RUFY2: variants seen among roughly 807,000 people sequenced by gnomAD.
RUFY2 encodes the protein RUN and FYVE domain containing 2, also known as RUN and FYVE domain-containing protein 2.
A neutral mutation model predicts 94.4 loss-of-function variants in RUFY2; 49 were observed. That is an observed-to-expected ratio of 0.52 (90% confidence interval 0.41 to 0.66). The LOEUF is 0.66. RUFY2 is among the 30% of genes least tolerant of loss of function. The pLI is 0.00. For synonymous variants in RUFY2, 255 were observed against 235.7 expected (o/e 1.08, Z -0.75); for missense variants, 541 against 692.8 (o/e 0.78, Z 2.46).
intron 13 of RUFY2, among the ~76,000 whole-genome samples, chr10:68,368,661 AAAC>A (rs1183873191): frequency 3.3e-5 from 5 of 152,202 alleles, no homozygotes; most frequent in East Asian, 1.9e-4. Context: ...CTCCATCTCA[AAAC>A]AACAACAACA....
chr10:68,386,355 ATTT>A (rs1281473439), intron 7 of RUFY2, among the ~76,000 whole-genome samples: 3 of 150,462 alleles, frequency 2.0e-5, no homozygotes, highest in African/African-American at 7.3e-5. Flanking sequence ...GGTGCTACTG[ATTT>A]TTTTTTTCTG....
rs1031099437 is a variant in RUFY2, at chr10:68,376,220, G to A, written c.1325+633C>T. 8.2e-4 allele frequency among the ~76,000 whole-genome samples: 124 copies of A among 150,742 alleles called. 1 individual carries two copies. The highest frequency in any genetic ancestry group is 2.8e-3 in the African/African-American group (116 of 41,158). The stretch of plus-strand genomic sequence containing the variant: ...ACGGGTGGATCACCTGAGGTCAGTA[G>A]TTCAAGACCAGCCTGGTCAACATGG... On this transcript the variant is annotated intron_variant, in intron 13 of 17. Transcript: ENST00000602465.
intron 3 of RUFY2, among the ~76,000 whole-genome samples, chr10:68,399,813 C>T (rs2050676723): frequency 6.6e-6 from 1 of 152,058 alleles, no homozygotes; most frequent in African/African-American, 2.4e-5. Context: ...CAGAGTTTCT[C>T]TCTTATTGCC....
At chr10:68,348,993 A>AGT (rs762043033) in intron 16 of RUFY2, among the ~76,000 whole-genome samples, 39,765 of 151,838 alleles carry the variant, frequency 0.26, 5,354 homozygotes, top group Non-Finnish European at 0.28. Context: ...AGGATACTAC[A>AGT]GGATTCTTCT....
In RUFY2 at chr10:68,404,680, C is replaced by T. The variant is rs1415812007; in HGVS notation, c.169G>A (p.Gly57Ser). ...TAAAATCTCATGATACCTTTAAGAC[C>T]GTGTTTCAGGCAATGTTCCATAACA... ...FVVMEHCLKHGLKVRKSFLSY... is the reference protein window; with the variant it reads ...FVVMEHCLKHSLKVRKSFLSY... The change falls in exon 2 of 18, where the codon GGT becomes AGT. Residue 57 changes from glycine to serine, a missense_variant. Gly to Ser is a moderately conservative substitution (Grantham distance 56). Coordinates refer to ENST00000602465, the MANE Select transcript of RUFY2 (RefSeq NM_001330103.2). 4 of 1,601,410 alleles carry T rather than the reference C, an allele frequency of 2.5e-6. No homozygotes were observed. Among genetic ancestry groups the T allele is most frequent in the African/African-American group, 1.3e-5 (1 of 74,250 alleles).
intron 16 of RUFY2, among the ~76,000 whole-genome samples, chr10:68,347,763 G>T (rs2046386987): frequency 6.6e-6 from 1 of 152,138 alleles, no homozygotes; most frequent in African/African-American, 2.4e-5. Context: ...CCAGACCAAA[G>T]AACCCAAGTA....
At chr10:68,377,013 G>T in intron 12 of RUFY2, 41 bp from the exon 13 acceptor site, 1 of 1,611,442 alleles carries the variant, frequency 6.2e-7, no homozygotes. Flanking sequence ...ACTGAGGCTA[G>T]AACTAGGGTG....
Position 68,376,923 on chromosome 10 carries a change from T to C in RUFY2, c.1255A>G (p.Lys419Glu). The C allele has an allele frequency of 1.2e-6, 2 of 1,613,810 alleles. No homozygotes were observed. Among genetic ancestry groups the C allele is most frequent in the Non-Finnish European group, 1.7e-6 (2 of 1,179,884 alleles). ...AQMEAEDEDE[K>E]YLQECLSKSD... is the part of the protein sequence containing the mutation. ...TTACTGAGACATTCTTGTAGATATT[T>C]CTCATCCTCATCTTCAGCTTCCATT... Residue 419 changes from lysine (K) to glutamate (E), a missense_variant, in exon 13 of 18, where the codon AAA (lysine) becomes GAA (glutamate). Lys to Glu is a moderately conservative substitution (Grantham distance 56). Around this residue, in one of 3 missense-constraint regions of RUFY2, gnomAD observed 403 missense variants for 480.7 expected, o/e 0.84. Transcript: ENST00000602465.
intron 16 of RUFY2, among the ~76,000 whole-genome samples, chr10:68,349,379 G>T (rs901379307): frequency 3.2e-4 from 49 of 151,816 alleles, no homozygotes; most frequent in Non-Finnish European, 1.8e-4. Context: ...AATTAGCAGG[G>T]TGTGGTGATG....
chr10:68,374,846 T>C lies in RUFY2; in HGVS notation c.1325+2007A>G, dbSNP rs114816250. The stretch of plus-strand genomic sequence containing the variant: ...AACTGGGGGAAAATACTGATGTTTA[T>C]AAAATAAAACTAAAATGCCCCTGTC... On this transcript the variant is annotated intron_variant, in intron 13 of 17. Coordinates refer to ENST00000602465, the MANE Select transcript of RUFY2 (RefSeq NM_001330103.2). 6.2e-3 allele frequency among the ~76,000 whole-genome samples: 938 copies of C among 152,242 alleles called. 14 individuals carry two copies. Among genetic ancestry groups the C allele is most frequent in the African/African-American group, 0.022 (901 of 41,518 alleles).
chr10:68,387,218 G>A (rs1048785436), intron 7 of RUFY2, among the ~76,000 whole-genome samples: 1 of 152,004 alleles, frequency 6.6e-6, no homozygotes, highest in Non-Finnish European at 1.5e-5. Flanking sequence ...TTAGCCAAGC[G>A]TGGTGGCGGG....
rs940831241 is a variant in RUFY2 at position 68,398,055 on chromosome 10, A to C, written c.297-1174T>G. Among the ~76,000 whole-genome samples, 11 of 141,876 alleles carry C rather than the reference A, an allele frequency of 7.8e-5. No individual in the cohort carries two copies. The Admixed American group carries it at 8.4e-4, about 11-fold the overall frequency. 93.1% of individuals were successfully genotyped at this position (141,876 alleles called of 152,430 possible). A position where few individuals can be genotyped will look rare whatever the true frequency, so the allele number is the denominator to read the frequency against. ...GGCAGGAGAATCACTGGAACCCGGG[A>C]GGCGGAGGGTACAGTCAGGCAAGAT... On this transcript the variant is annotated intron_variant, in intron 3 of 17. Coordinates refer to ENST00000602465, the MANE Select transcript of RUFY2 (RefSeq NM_001330103.2).
intron 13 of RUFY2, among the ~76,000 whole-genome samples, chr10:68,366,998 T>A (rs527745465): frequency 2.3e-3 from 348 of 150,864 alleles, no homozygotes; most frequent in Non-Finnish European, 3.9e-3. Flanking sequence ...TGAAACCCTG[T>A]CTCTACTAAA....
Position 68,368,153 on chromosome 10 carries a change from G to C in RUFY2, c.1326-4040C>G, listed in dbSNP as rs571819402. ...GCTAATTTTTCTTTAATTTTTAGTAGAGATGGGGTTTCACCATGTTGGTCA... is the reference window on the plus strand; with the variant it reads ...GCTAATTTTTCTTTAATTTTTAGTACAGATGGGGTTTCACCATGTTGGTCA... On this transcript the variant is annotated intron_variant, in intron 13 of 17. Coordinates refer to ENST00000602465, the MANE Select transcript of RUFY2 (RefSeq NM_001330103.2). Among the ~76,000 whole-genome samples the C allele has an allele frequency of 8.1e-4, 122 of 151,080 alleles. 1 individual carries two copies. The highest frequency in any genetic ancestry group is 2.4e-4 in the Non-Finnish European group (16 of 67,796).
chr10:68,344,314 C>T lies in RUFY2; in HGVS notation c.*1454G>A, dbSNP rs778643447. 2.0e-5 allele frequency: 3 copies of T among 152,090 alleles called. No homozygotes were observed. The highest frequency in any genetic ancestry group is 7.2e-5 in the African/African-American group (3 of 41,408). 9.4% of individuals were successfully genotyped at this position (152,090 alleles called of 1,614,324 possible). ...GAACTCCTTTGTAGGCAGGGAGGTA[C>T]CTAGGATTAACCACTAAATATAATG... On this transcript the variant is annotated 3_prime_UTR_variant, in exon 18 of 18. Transcript: ENST00000602465.
intron 3 of RUFY2, among the ~76,000 whole-genome samples, chr10:68,400,648 C>T (rs1430436951): frequency 2.0e-5 from 3 of 150,526 alleles, no homozygotes; most frequent in Non-Finnish European, 4.4e-5. Flanking sequence ...TACACTCCAG[C>T]CTGGGCAACA....
At chr10:68,353,331 GAAA>G (rs372859135) in intron 16 of RUFY2, among the ~76,000 whole-genome samples, 1 of 112,358 alleles carries the variant, frequency 8.9e-6, no homozygotes, top group Admixed American at 9.5e-5. Context: ...ACCCTGTCTC[GAAA>G]AAAAAAAAAA....
intron 16 of RUFY2, 40 bp from the exon 17 acceptor site, chr10:68,346,124 TA>T: frequency 6.7e-7 from 1 of 1,483,884 alleles, no homozygotes; most frequent in Non-Finnish European, 9.2e-7. Context: ...TTGGTAACAC[TA>T]AAAATTAAAT....
intron 7 of RUFY2, among the ~76,000 whole-genome samples, chr10:68,392,399 C>A (rs991462961): frequency 6.6e-6 from 1 of 152,094 alleles, no homozygotes; most frequent in African/African-American, 2.4e-5. Context: ...TTCTTCTCAA[C>A]AAGAGTATTC....
Sources: gnomAD v4.1 joint callset for allele counts (sites outside exome capture counted in the v4.1 genomes callset) on GRCh38, gnomAD v4.1.1 for gene constraint, gnomAD v4.1.1 regional missense constraint, MANE v1.5 for transcripts, NCBI Gene and HGNC (gene_info 2026-07-23, HGNC 2026-07-21) for gene names.